PRKCQ: variants seen among roughly 807,000 people sequenced by gnomAD.
PRKCQ encodes protein kinase C theta type.
In PRKCQ, 41 loss-of-function variants were observed where a neutral mutation model predicts 91.2. The ratio of observed to expected loss-of-function variants is 0.45; its 90% CI spans 0.35 to 0.58. The LOEUF (loss-of-function observed/expected upper bound fraction) is 0.58. PRKCQ is among the 20% of genes least tolerant of loss of function. PRKCQ has a pLI of 0.00. For missense variants in PRKCQ, 673 were observed against 896.5 expected (o/e 0.75, Z 3.18); for synonymous variants, 307 against 316.9 (o/e 0.97, Z 0.33).
At chr10:6,444,658 T>C (rs1385377946) in intron 15 of PRKCQ, among the ~76,000 whole-genome samples, 2 of 152,164 alleles carry the variant, frequency 1.3e-5, no homozygotes, top group East Asian at 3.9e-4. Flanking sequence ...TTCTACCTTG[T>C]AATGTGTTTG....
At chr10:6,567,507 A>G (rs549207689) in intron 1 of PRKCQ, among the ~76,000 whole-genome samples, 5 of 152,218 alleles carry the variant, frequency 3.3e-5, no homozygotes, top group African/African-American at 1.2e-4. Context: ...TCTCTTCTCT[A>G]CCCTTATCTG....
chr10:6,559,416 A>G (rs1038968681), intron 1 of PRKCQ, among the ~76,000 whole-genome samples: 4 of 152,116 alleles, frequency 2.6e-5, no homozygotes, highest in South Asian at 2.1e-4. Context: ...GCTGGAGTGC[A>G]GTGGCAGTTT....
chr10:6,496,526 G>C (rs192777001), intron 7 of PRKCQ, among the ~76,000 whole-genome samples: 1 of 152,010 alleles, frequency 6.6e-6, no homozygotes, highest in African/African-American at 2.4e-5. Context: ...TCTAGCTGGG[G>C]GTGCCACAAG....
the PRKCQ span, among the ~76,000 whole-genome samples, chr10:6,399,130 C>T: frequency 6.6e-6 from 1 of 152,142 alleles, no homozygotes; most frequent in Admixed American, 6.5e-5. Context: ...ATGTAAACTC[C>T]CTTGCTTTGT....
In PRKCQ at chr10:6,458,760, A is replaced by G. The variant is rs888571697; in HGVS notation, c.1509-1948T>C. ...TGTAACGTCCAATGAGAATCACGTG[A>G]AAGCATTGAAAGTGGCTTCAAACAC... On this transcript the variant is annotated intron_variant, in intron 14 of 17. Coordinates refer to ENST00000263125, the MANE Select transcript of PRKCQ (RefSeq NM_006257.5). 2.6e-5 allele frequency among the ~76,000 whole-genome samples: 4 copies of G among 152,182 alleles called. No homozygotes were observed. The East Asian group carries it at 7.7e-4, about 29-fold the overall frequency.
At chr10:6,510,889 C>T (rs2130858367) in intron 3 of PRKCQ, 106 bp downstream of exon 3, 2 of 1,328,984 alleles carry the variant, frequency 1.5e-6, no homozygotes, top group East Asian at 2.3e-5. Context: ...GCCTGGTGAC[C>T]CGAGGCCAGT....
rs1160540662 is a variant in PRKCQ, at chr10:6,491,615, C to CCT, written c.790+67_790+68insAG. The CCT allele has an allele frequency of 2.5e-6, 4 of 1,582,734 alleles. No individual in the cohort carries two copies. In the African/African-American group the frequency reaches 4.1e-5, roughly 16 times the overall value. On this transcript the variant is annotated intron_variant, in intron 8 of 17. Transcript: ENST00000263125. Reference sequence around the variant, plus strand: ...ACCCCCTACATCCTCCCTCCAGTTCCCCAGAAAGCCTTGCTCCATCCCCTA... The same window carrying CCT: ...ACCCCCTACATCCTCCCTCCAGTTCCCTCCAGAAAGCCTTGCTCCATCCCCTA...
chr10:6,428,508 G>T, intron 17 of PRKCQ, 146 bp from the exon 18 acceptor site: 1 of 781,190 alleles, frequency 1.3e-6, no homozygotes, highest in Non-Finnish European at 2.1e-6. Flanking sequence ...GCCTACAGAT[G>T]ACCATGCCCA....
At chr10:6,567,476 G>T (rs527878371) in intron 1 of PRKCQ, among the ~76,000 whole-genome samples, 1 of 152,332 alleles carries the variant, frequency 6.6e-6, no homozygotes, top group South Asian at 2.1e-4. Context: ...CCCGAATTCT[G>T]CAGACAAAGA....
In PRKCQ at chr10:6,488,698, A is replaced by C. The variant is rs115393249; in HGVS notation, c.791-2554T>G. 4.9e-3 allele frequency among the ~76,000 whole-genome samples: 747 copies of C among 152,292 alleles called. 1 individual carries two copies. Among genetic ancestry groups the C allele is most frequent in the African/African-American group, 0.017 (723 of 41,550 alleles). On this transcript the variant is annotated intron_variant, in intron 8 of 17. Transcript: ENST00000263125. ...CGCGCCCGGTCAACTATTAACCATTACTAGACCGAGTATATAGGCATAGAT... is the reference window on the plus strand; with the variant it reads ...CGCGCCCGGTCAACTATTAACCATTCCTAGACCGAGTATATAGGCATAGAT...
chr10:6,564,147 G>C (rs1219635208), intron 1 of PRKCQ, among the ~76,000 whole-genome samples: 1 of 152,154 alleles, frequency 6.6e-6, no homozygotes, highest in Admixed American at 6.5e-5. Flanking sequence ...GCCCCGCAAA[G>C]ATTCGGGATT....
At chr10:6,467,018 G>A (rs770117795) in intron 12 of PRKCQ, among the ~76,000 whole-genome samples, 18 of 152,002 alleles carry the variant, frequency 1.2e-4, no homozygotes, top group South Asian at 2.1e-4. Context: ...GGGTTGCTGT[G>A]GGTATTAAAC....
the PRKCQ span, among the ~76,000 whole-genome samples, chr10:6,403,893 C>T: frequency 3.3e-5 from 5 of 152,018 alleles, no homozygotes; most frequent in Non-Finnish European, 7.4e-5. Flanking sequence ...CAAAGTCACA[C>T]ACACACTCAT....
chr10:6,504,081 T>C lies in PRKCQ; in HGVS notation c.379+3355A>G, dbSNP rs530978616. Among the ~76,000 whole-genome samples the C allele has an allele frequency of 8.2e-4, 125 of 152,336 alleles. 1 individual carries two copies. The highest frequency in any genetic ancestry group is 2.8e-3 in the African/African-American group (117 of 41,572). Reference sequence around the variant, plus strand: ...CATTAGCCATTGCTCCCAGCCTAATTTTTAAAGAATTATAAAGCATTTCAA... The same window carrying C: ...CATTAGCCATTGCTCCCAGCCTAATCTTTAAAGAATTATAAAGCATTTCAA... On this transcript the variant is annotated intron_variant, in intron 4 of 17. Coordinates refer to ENST00000263125, the MANE Select transcript of PRKCQ (RefSeq NM_006257.5).
At chr10:6,529,738 C>G (rs991291932) in intron 1 of PRKCQ, among the ~76,000 whole-genome samples, 29 of 152,178 alleles carry the variant, frequency 1.9e-4, no homozygotes, top group African/African-American at 6.3e-4. Flanking sequence ...CTTTCTGTGA[C>G]TACATTATCA....
At chr10:6,415,018 G>A in the PRKCQ span, among the ~76,000 whole-genome samples, 1,347 of 151,554 alleles carry the variant, frequency 8.9e-3, 13 homozygotes, top group African/African-American at 0.031. Context: ...GCTGGAGTGC[G>A]GTGGTGCAAT....
chr10:6,492,825 G>GT (rs1389273267), intron 7 of PRKCQ, among the ~76,000 whole-genome samples: 2 of 152,174 alleles, frequency 1.3e-5, no homozygotes, highest in African/African-American at 4.8e-5. Flanking sequence ...CTCTGCAGAA[G>GT]TTTCTAATTC....
chr10:6,571,802 T>G (rs1032122015), intron 1 of PRKCQ, among the ~76,000 whole-genome samples: 2 of 151,874 alleles, frequency 1.3e-5, no homozygotes, highest in African/African-American at 4.8e-5. Flanking sequence ...AGACCCTGCC[T>G]CAAAAACAAA....
intron 1 of PRKCQ, among the ~76,000 whole-genome samples, chr10:6,545,820 G>A (rs143917696): frequency 1.3e-3 from 196 of 152,184 alleles, no homozygotes; most frequent in African/African-American, 4.6e-3. Flanking sequence ...AGACCAGCCT[G>A]GCAAACATGG....
Sources: allele counts gnomAD v4.1 joint callset (sites outside exome capture counted in the v4.1 genomes callset), GRCh38; gene constraint gnomAD v4.1.1; transcripts MANE v1.5; gene names NCBI Gene and HGNC (gene_info 2026-07-23, HGNC 2026-07-21).